Variants in MECOM observed in about 807,000 individuals in gnomAD.
MECOM encodes the protein histone-lysine N-methyltransferase MECOM.
A neutral mutation model predicts 116.3 loss-of-function variants in MECOM; 13 were observed. The ratio of observed to expected loss-of-function variants is 0.11; its 90% CI spans 0.07 to 0.18. The LOEUF (loss-of-function observed/expected upper bound fraction) is 0.18, where lower values mean the gene tolerates loss of function less well. Ranked by LOEUF, MECOM falls within the 10% of genes least tolerant of loss-of-function variation. MECOM has a pLI of 1.00. For synonymous variants in MECOM, 528 were observed against 535.2 expected (o/e 0.99, Z 0.19); for missense variants, 1,299 against 1,509.0 (o/e 0.86, Z 2.31).
intron 1 of MECOM, among the ~76,000 whole-genome samples, chr3:169,423,861 A>ATTATG (rs1010041087): frequency 2.2e-4 from 34 of 152,260 alleles, no homozygotes; most frequent in African/African-American, 7.7e-4. Context: ...TGAAATCCTC[A>ATTATG]TTATGTTATT....
At chr3:169,178,416 G>A (rs1189544201) in intron 2 of MECOM, among the ~76,000 whole-genome samples, 1 of 152,196 alleles carries the variant, frequency 6.6e-6, no homozygotes, top group African/African-American at 2.4e-5. Context: ...ATAGAGCAGA[G>A]TCGAGGAATC....
At chr3:169,585,993 C>A (rs1042223854) in intron 1 of MECOM, among the ~76,000 whole-genome samples, 2 of 152,186 alleles carry the variant, frequency 1.3e-5, no homozygotes, top group African/African-American at 4.8e-5. Flanking sequence ...TATTCCTATG[C>A]AAGACTCTAC....
chr3:169,413,685 G>T (rs1738000739), intron 1 of MECOM, among the ~76,000 whole-genome samples: 1 of 152,068 alleles, frequency 6.6e-6, no homozygotes, highest in South Asian at 2.1e-4. Flanking sequence ...GACCTGGGAT[G>T]CTCCAGCTTG....
intron 2 of MECOM, among the ~76,000 whole-genome samples, chr3:169,149,933 CTCTGTGTGTGTGTG>C (rs1219160382): frequency 8.6e-6 from 1 of 116,206 alleles, no homozygotes; most frequent in South Asian, 3.5e-4. Flanking sequence ...CTTTCTCTCT[CTCTGTGTGTGTGTG>C]TGTGTGTGTG....
At chr3:169,119,278 A>G (rs1730218468) in intron 7 of MECOM, among the ~76,000 whole-genome samples, 1 of 152,202 alleles carries the variant, frequency 6.6e-6, no homozygotes, top group Admixed American at 6.5e-5. Flanking sequence ...AAGTCTCCAC[A>G]CCATTTCCTG....
intron 1 of MECOM, among the ~76,000 whole-genome samples, chr3:169,531,967 A>G (rs147198673): frequency 6.6e-6 from 1 of 152,200 alleles, no homozygotes; most frequent in Non-Finnish European, 1.5e-5. Context: ...CGCTGGATGC[A>G]TCATCTTGGG....
chr3:169,271,239 G>A lies in MECOM; in HGVS notation c.375+109948C>T, dbSNP rs545937890. ...ACATCAAAGGACTATCCTTGGCACA[G>A]TACAGCAGGGGTTGCAGCCCCCAGC... On this transcript the variant is annotated intron_variant, in intron 2 of 16. Coordinates refer to ENST00000651503, the MANE Select transcript of MECOM (RefSeq NM_004991.4). Among the ~76,000 whole-genome samples, 11 of 152,300 alleles carry A rather than the reference G, an allele frequency of 7.2e-5. No homozygotes were observed. In the South Asian group the frequency reaches 2.3e-3, roughly 32 times the overall value.
At chr3:169,372,618 A>C (rs181537317) in intron 2 of MECOM, among the ~76,000 whole-genome samples, 2 of 152,128 alleles carry the variant, frequency 1.3e-5, no homozygotes, top group East Asian at 1.9e-4. Flanking sequence ...TATAAAAATC[A>C]ATCGATAAAA....
intron 2 of MECOM, among the ~76,000 whole-genome samples, chr3:169,196,636 A>G (rs1361272249): frequency 6.6e-6 from 1 of 152,074 alleles, no homozygotes; most frequent in Non-Finnish European, 1.5e-5. Context: ...AGAGTTCTAA[A>G]TGGCTATTAT....
chr3:169,146,185 CA>C, intron 2 of MECOM: 2 of 1,101,202 alleles, frequency 1.8e-6, no homozygotes, highest in Non-Finnish European at 2.2e-6. Flanking sequence ...AAGGCCCTTT[CA>C]AAAAACCAAC....
At chr3:169,609,886 A>G (rs900982387) in intron 1 of MECOM, among the ~76,000 whole-genome samples, 6 of 152,180 alleles carry the variant, frequency 3.9e-5, no homozygotes, top group African/African-American at 1.4e-4. Flanking sequence ...TCTTGATAGC[A>G]TTAGTTACAG....
Position 169,187,648 on chromosome 3 carries a change from T to C in MECOM, c.376-43816A>G, listed in dbSNP as rs572678414. The stretch of plus-strand genomic sequence containing the variant: ...TACAGGAGAGGGGGAGAGCAAGTTC[T>C]GTCGTAAACAGTAAGCAGAATTTCC... On this transcript the variant is annotated intron_variant, in intron 2 of 16. Transcript: ENST00000651503. Among the ~76,000 whole-genome samples the C allele has an allele frequency of 1.6e-4, 24 of 152,280 alleles. No homozygotes were observed. In the East Asian group the frequency reaches 2.7e-3, roughly 17 times the overall value.
chr3:169,246,667 G>A (rs745871741), intron 2 of MECOM, among the ~76,000 whole-genome samples: 43 of 151,726 alleles, frequency 2.8e-4, no homozygotes, highest in Non-Finnish European at 4.3e-4. Flanking sequence ...CACTACAGGC[G>A]CGTGCCACCA....
chr3:169,584,240 G>GT (rs1485124823), intron 1 of MECOM, among the ~76,000 whole-genome samples: 2 of 152,066 alleles, frequency 1.3e-5, no homozygotes, highest in Admixed American at 1.3e-4. Context: ...TTAAAGAGTT[G>GT]TTTTTTTAAG....
At chr3:169,133,112 C>T (rs1577094026) in intron 3 of MECOM, among the ~76,000 whole-genome samples, 1 of 103,774 alleles carries the variant, frequency 9.6e-6, no homozygotes, top group East Asian at 4.0e-4. Flanking sequence ...AAAACACATA[C>T]ACACACACAC....
intron 1 of MECOM, among the ~76,000 whole-genome samples, chr3:169,455,465 C>T (rs1746319943): frequency 6.6e-6 from 1 of 152,098 alleles, no homozygotes; most frequent in Non-Finnish European, 1.5e-5. Flanking sequence ...CAAGTGGTTC[C>T]TATTAAAGGG....
Position 169,611,286 on chromosome 3 carries a change from A to T in MECOM, c.37+52050T>A, listed in dbSNP as rs1169871729. On this transcript the variant is annotated intron_variant, in intron 1 of 16. Transcript: ENST00000651503. This position sits in a 1 kb window ranked among gnomAD's most constrained non-coding sequence, Gnocchi z 4.1. Reference sequence around the variant, plus strand: ...CACTGCCACTGTCTCTTCCAATGCAATTTGTACATTATGCCGAATCATAAT... The same window carrying T: ...CACTGCCACTGTCTCTTCCAATGCATTTTGTACATTATGCCGAATCATAAT... 6.6e-6 allele frequency among the ~76,000 whole-genome samples: 1 copy of T among 152,184 alleles called. No individual in the cohort carries two copies. The highest frequency in any genetic ancestry group is 1.5e-5 in the Non-Finnish European group (1 of 68,028).
chr3:169,223,568 T>G (rs1267320450), intron 2 of MECOM, among the ~76,000 whole-genome samples: 5 of 152,070 alleles, frequency 3.3e-5, no homozygotes, highest in Non-Finnish European at 7.4e-5. Context: ...GGTTATAAAG[T>G]TCAACTGTGT....
intron 1 of MECOM, among the ~76,000 whole-genome samples, chr3:169,515,784 A>G (rs1469549431): frequency 6.6e-6 from 1 of 152,260 alleles, no homozygotes; most frequent in Non-Finnish European, 1.5e-5. Context: ...CTTTGTAAAA[A>G]TATCTTGCAA....
Sources: gnomAD v4.1 joint callset for allele counts (sites outside exome capture counted in the v4.1 genomes callset) on GRCh38, gnomAD v4.1.1 for gene constraint, Gnocchi (gnomAD v3.1) non-coding constraint, MANE v1.5 for transcripts, NCBI Gene and HGNC (gene_info 2026-07-23, HGNC 2026-07-21) for gene names.